Variants in OLFM2 observed in about 807,000 individuals in gnomAD.
OLFM2 encodes noelin-2.
OLFM2 carries 20 observed loss-of-function variants against 43.9 expected under a neutral mutation model. The ratio of observed to expected loss-of-function variants is 0.46; its 90% CI spans 0.32 to 0.66. OLFM2 has a LOEUF of 0.66. Among genes scored for constraint, OLFM2 ranks in the 30% least tolerant of loss-of-function variants. OLFM2 has a pLI of 0.04. For synonymous variants in OLFM2, 268 were observed against 278.6 expected, an observed-to-expected ratio of 0.96 and a Z score of 0.38; for missense variants, 416 against 643.6, an observed-to-expected ratio of 0.65 and a Z score of 3.83.
intron 1 of OLFM2, among the ~76,000 whole-genome samples, chr19:9,909,541 C>T (rs1488586150): frequency 4.0e-5 from 6 of 150,788 alleles, no homozygotes; most frequent in African/African-American, 1.5e-4. Context: ...AGGAGGAAGC[C>T]AGAGAGAAGC....
intron 1 of OLFM2, among the ~76,000 whole-genome samples, chr19:9,899,242 G>A (rs2046710434): frequency 6.6e-6 from 1 of 151,606 alleles, no homozygotes; most frequent in Admixed American, 6.6e-5. Flanking sequence ...TCCAGCCTGG[G>A]CAACAGAATG....
chr19:9,934,511 G>GCAGGGAGTGGAGGAGAAGCCA (rs1370730211), intron 1 of OLFM2, among the ~76,000 whole-genome samples: 2 of 151,594 alleles, frequency 1.3e-5, no homozygotes, highest in Non-Finnish European at 2.9e-5. Context: ...TGCCCCCCTA[G>GCAGGGAGTGGAGGAGAAGCCA]CAGGGAGTGG....
chr19:9,931,268 G>A (rs1436878654), intron 1 of OLFM2, among the ~76,000 whole-genome samples: 1 of 152,094 alleles, frequency 6.6e-6, no homozygotes, highest in East Asian at 1.9e-4. Context: ...CTTTTTTGTG[G>A]AGACAGGGTC....
rs983805340 is a variant in OLFM2 at position 9,925,523 on chromosome 19, A to G, written c.63+10781T>C. Among the ~76,000 whole-genome samples the G allele has an allele frequency of 1.3e-5, 2 of 152,066 alleles. 1 individual carries two copies. The highest frequency in any genetic ancestry group is 6.8e-3 in the Middle Eastern group (2 of 294). On this transcript the variant is annotated intron_variant, in intron 1 of 5. Transcript: ENST00000264833. ...CCAGGCAATGGTACAATCATGGCGC[A>G]CTGCAGCCTTGACCTCCTGGGCTCA...
chr19:9,883,125 A>C (rs1394937838), intron 1 of OLFM2, among the ~76,000 whole-genome samples: 4 of 150,564 alleles, frequency 2.7e-5, no homozygotes, highest in Non-Finnish European at 5.9e-5. Flanking sequence ...CAGGAGAATC[A>C]CTTGAATCCG....
At chr19:9,902,767 G>A (rs760212867) in intron 1 of OLFM2, among the ~76,000 whole-genome samples, 3 of 152,108 alleles carry the variant, frequency 2.0e-5, no homozygotes, top group Non-Finnish European at 4.4e-5. Flanking sequence ...GAGTGCTGGT[G>A]CGATCATAGC....
chr19:9,868,917 C>CA (rs1290215044), intron 1 of OLFM2, among the ~76,000 whole-genome samples: 1 of 146,192 alleles, frequency 6.8e-6, no homozygotes, highest in African/African-American at 2.5e-5. Flanking sequence ...GCCTGCGTGA[C>CA]AAAGTGAGAC....
intron 1 of OLFM2, among the ~76,000 whole-genome samples, chr19:9,875,097 G>T (rs2046474148): frequency 6.6e-6 from 1 of 152,238 alleles, no homozygotes; most frequent in African/African-American, 2.4e-5. Flanking sequence ...GCTAGATCTA[G>T]AAGAGTTCAC....
intron 1 of OLFM2, among the ~76,000 whole-genome samples, chr19:9,871,722 T>C (rs1021216543): frequency 6.6e-6 from 1 of 152,130 alleles, no homozygotes. Context: ...ACAGTCGCCA[T>C]TAGGAGGGCC....
At chr19:9,874,234 C>T (rs776059265) in intron 1 of OLFM2, among the ~76,000 whole-genome samples, 4 of 151,620 alleles carry the variant, frequency 2.6e-5, no homozygotes, top group Non-Finnish European at 5.9e-5. Context: ...TGTCTTTAGA[C>T]TTATCTGGTC....
Position 9,854,156 on chromosome 19 carries a change from C to A in OLFM2, c.*30G>T, listed in dbSNP as rs373737163. 168 of 1,611,192 alleles carry A rather than the reference C, an allele frequency of 1.0e-4. No individual in the cohort carries two copies. Among genetic ancestry groups the A allele is most frequent in the Non-Finnish European group, 1.4e-4 (165 of 1,177,826 alleles). On this transcript the variant is annotated 3_prime_UTR_variant, in exon 6 of 6. Coordinates refer to ENST00000264833, the MANE Select transcript of OLFM2 (RefSeq NM_058164.4). This position sits in a 1 kb window ranked among gnomAD's most constrained non-coding sequence, Gnocchi z 9.5. ...AGGGCCCCCAGCCCCCAGAGGCCCC[C>A]CAGGCAGCAGCCCGAGCCACAGCAT...
In OLFM2 at chr19:9,854,114, A is replaced by T. The variant is rs1381996330; in HGVS notation, c.*72T>A. On this transcript the variant is annotated 3_prime_UTR_variant, in exon 6 of 6. Transcript: ENST00000264833. This position sits in a 1 kb window ranked among gnomAD's most constrained non-coding sequence, Gnocchi z 9.5. Reference sequence around the variant, plus strand: ...GAGACAGAGAGATCACCCTTGAGGGACACAGGCAGAATGAAAAGGGCCCCC... The same window carrying T: ...GAGACAGAGAGATCACCCTTGAGGGTCACAGGCAGAATGAAAAGGGCCCCC... 2 of 1,384,504 alleles carry T rather than the reference A, an allele frequency of 1.4e-6. No homozygotes were observed. Among genetic ancestry groups the T allele is most frequent in the Non-Finnish European group, 2.0e-6 (2 of 981,838 alleles). 85.8% of individuals were successfully genotyped at this position (1,384,504 alleles called of 1,614,324 possible). A position where few individuals can be genotyped will look rare whatever the true frequency, so the allele number is the denominator to read the frequency against.
At chr19:9,870,260 G>A (rs2145443311) in intron 1 of OLFM2, among the ~76,000 whole-genome samples, 1 of 152,196 alleles carries the variant, frequency 6.6e-6, no homozygotes, top group East Asian at 1.9e-4. Context: ...CACTCAAAAG[G>A]CCAATTTGGT....
In OLFM2 at chr19:9,891,314, G is replaced by GAAA. The variant is rs56109769; in HGVS notation, c.64-30523_64-30521dup. Among the ~76,000 whole-genome samples the GAAA allele has an allele frequency of 1.5e-4, 19 of 125,706 alleles. 1 individual carries two copies. In the East Asian group the frequency reaches 3.2e-3, roughly 21 times the overall value. 82.5% of individuals were successfully genotyped at this position (125,706 alleles called of 152,430 possible). On this transcript the variant is annotated intron_variant, in intron 1 of 5. Transcript: ENST00000264833. ...GGCAACAGAGCGAGACTCCATCTCG[G>GAAA]AAAAAAAAAAAAAAAAAGTGCATGC...
intron 1 of OLFM2, chr19:9,913,737 C>T (rs1185469086): frequency 7.2e-6 from 7 of 978,408 alleles, no homozygotes; most frequent in African/African-American, 7.1e-5. Flanking sequence ...GGGGCACGAG[C>T]GCGAGCTGCG....
intron 1 of OLFM2, among the ~76,000 whole-genome samples, 187 bp downstream of exon 1, chr19:9,936,117 C>T (rs1373337763): frequency 1.3e-5 from 2 of 151,418 alleles, no homozygotes; most frequent in African/African-American, 4.8e-5. Flanking sequence ...GATTTGAAGC[C>T]CCCCTCGTCC....
chr19:9,854,060 G>C lies in OLFM2; in HGVS notation c.*126C>G, dbSNP rs2046292511. On this transcript the variant is annotated 3_prime_UTR_variant, in exon 6 of 6. Transcript: ENST00000264833. This position sits in a 1 kb window ranked among gnomAD's most constrained non-coding sequence, Gnocchi z 9.5. ...TACATAGGCAGAGAACAAAAGCCCA[G>C]CAAAAAGGCGGGGAGAAAGGGCGTG... 1.2e-6 allele frequency: 1 copy of C among 815,056 alleles called. No homozygotes were observed. Among genetic ancestry groups the C allele is most frequent in the South Asian group, 1.7e-5 (1 of 59,288 alleles). The allele number at this position is 815,056 out of a possible 1,614,324, so 50.5% of individuals were successfully genotyped here.
At chr19:9,926,904 G>A (rs1397254722) in intron 1 of OLFM2, among the ~76,000 whole-genome samples, 1 of 152,150 alleles carries the variant, frequency 6.6e-6, no homozygotes, top group Non-Finnish European at 1.5e-5. Flanking sequence ...AGGATTGCCT[G>A]AGCACAGGAG....
chr19:9,915,241 T>TC (rs777200642), intron 1 of OLFM2, among the ~76,000 whole-genome samples: 2 of 38,528 alleles, frequency 5.2e-5, no homozygotes, highest in Admixed American at 4.1e-4. Context: ...TTCTCTCTCT[T>TC]TTTTTTTTTT....
Sources: gnomAD v4.1 joint callset for allele counts (sites outside exome capture counted in the v4.1 genomes callset) on GRCh38, gnomAD v4.1.1 for gene constraint, Gnocchi (gnomAD v3.1) non-coding constraint, MANE v1.5 for transcripts, NCBI Gene and HGNC (gene_info 2026-07-23, HGNC 2026-07-21) for gene names.